Variants in TRMT13 observed in about 807,000 individuals in gnomAD.
TRMT13 encodes tRNA:m(4)X modification enzyme TRM13 homolog.
TRMT13 carries 45 observed loss-of-function variants against 55.9 expected under a neutral mutation model. That is an observed-to-expected ratio of 0.80 (90% CI 0.63 to 1.03). The LOEUF (loss-of-function observed/expected upper bound fraction) is 1.03. Among genes scored for constraint, TRMT13 ranks in the 50% least tolerant of loss-of-function variants. TRMT13 has a pLI of 0.00. For synonymous variants in TRMT13, 183 were observed against 196.3 expected (o/e 0.93, Z 0.57); for missense variants, 513 against 563.9 (o/e 0.91, Z 0.91).
In TRMT13 at chr1:100,143,052, T is replaced by C. The variant is rs1185209706; in HGVS notation, c.670-85T>C. ...AAATATGTTCTGTTGCTCTGAATTT[T>C]GAAAACCAATAAAAATCTTTTTATT... is the stretch of plus-strand genomic sequence containing the variant. On this transcript the variant is annotated intron_variant, in intron 7 of 10. Coordinates refer to ENST00000370141, the MANE Select transcript of TRMT13 (RefSeq NM_019083.3). The C allele has an allele frequency of 3.4e-6, 3 of 891,534 alleles. No individual in the cohort carries two copies. The African/African-American group carries it at 5.1e-5, about 15-fold the overall frequency. The allele number at this position is 891,534 out of a possible 1,614,324, so 55.2% of individuals were successfully genotyped here.
In TRMT13 at chr1:100,133,222, A is replaced by T. The variant is rs1330115567; in HGVS notation, c.54A>T (p.Arg18Ser). 6.2e-7 allele frequency: 1 copy of T among 1,614,014 alleles called. No individual in the cohort carries two copies. Residue 18 changes from arginine (R) to serine (S), a missense_variant, in exon 1 of 11, where the codon AGA becomes AGT. Coordinates refer to ENST00000370141, the MANE Select transcript of TRMT13 (RefSeq NM_019083.3). The stretch of plus-strand genomic sequence containing the variant: ...CGCCTGGTTTTCCAGCTGAGGGTAG[A>T]TGCGGTTACTATGTGGAAAAGAAGA... Reference protein sequence around the residue: ...PHAPGFPAEGRCGYYVEKKKR... With the variant: ...PHAPGFPAEGSCGYYVEKKKR...
At chr1:100,140,819 C>G (rs780391962) in intron 6 of TRMT13, 33 bp from the exon 7 acceptor site, 14 of 1,589,372 alleles carry the variant, frequency 8.8e-6, no homozygotes, top group Middle Eastern at 3.4e-4. Context: ...TGTGTTTACT[C>G]TAGTTTATAA....
At chr1:100,143,737 C>A (rs1656902392) in intron 8 of TRMT13, among the ~76,000 whole-genome samples, 1 of 152,080 alleles carries the variant, frequency 6.6e-6, no homozygotes, top group African/African-American at 2.4e-5. Context: ...CTTTTTATAC[C>A]TTTTCTATTT....
At chr1:100,136,346 T>C (rs1044636893) in intron 1 of TRMT13, among the ~76,000 whole-genome samples, 1 of 152,136 alleles carries the variant, frequency 6.6e-6, no homozygotes, top group African/African-American at 2.4e-5. Context: ...ATGATTAGTA[T>C]GTGAGGCAAT....
chr1:100,143,773 C>G (rs1417444355), intron 8 of TRMT13, among the ~76,000 whole-genome samples: 1 of 152,118 alleles, frequency 6.6e-6, no homozygotes, highest in Non-Finnish European at 1.5e-5. Context: ...GAAAATAATG[C>G]AAACATATCT....
chr1:100,137,548 T>G (rs1003349806), intron 3 of TRMT13, among the ~76,000 whole-genome samples: 6 of 152,148 alleles, frequency 3.9e-5, no homozygotes, highest in Non-Finnish European at 8.8e-5. Context: ...TGCCTGACTT[T>G]TGTTCCATAA....
Position 100,140,841 on chromosome 1 carries a change from G to C in TRMT13, c.502-11G>C. On this transcript the variant is annotated splice_polypyrimidine_tract_variant and intron_variant, in intron 6 of 10. Coordinates refer to ENST00000370141, the MANE Select transcript of TRMT13 (RefSeq NM_019083.3). ...ACTCTAGTTTATAAAATAATCTTGT[G>C]AAGTTTGCAGGCTTCTATTTTAGGT... The C allele has an allele frequency of 1.2e-6, 2 of 1,606,406 alleles. No homozygotes were observed. The highest frequency in any genetic ancestry group is 1.7e-6 in the Non-Finnish European group (2 of 1,176,746).
intron 8 of TRMT13, 108 bp downstream of exon 8, chr1:100,143,317 C>A: frequency 5.2e-6 from 3 of 581,572 alleles, no homozygotes; most frequent in Non-Finnish European, 9.0e-6. Context: ...GGAAAACAGT[C>A]AAATCAATTC....
chr1:100,140,943 A>G lies in TRMT13; in HGVS notation c.593A>G (p.His198Arg), dbSNP rs752427125. 41 of 1,613,646 alleles carry G rather than the reference A, an allele frequency of 2.5e-5. No homozygotes were observed. The highest frequency in any genetic ancestry group is 3.2e-5 in the Non-Finnish European group (38 of 1,179,786). ...GGAGCGGGAAAGGGAAAATTATCTC[A>G]TTGGGTTGATATTGCCTTAAAAGAT... The part of the protein sequence containing the change: ...EFGAGKGKLS[H>R]WVDIALKDAE... Residue 198 changes from histidine to arginine, a missense_variant, in exon 7 of 11, where the codon CAT (histidine) becomes CGT (arginine). Physicochemically the swap from His to Arg is conservative, Grantham distance 29. Around this residue, in one of 3 missense-constraint regions of TRMT13, gnomAD observed 298 missense variants for 290.3 expected, o/e 1.03. Coordinates refer to ENST00000370141, the MANE Select transcript of TRMT13 (RefSeq NM_019083.3).
At chr1:100,141,074 T>A in intron 7 of TRMT13, 55 bp downstream of exon 7, 1 of 1,448,986 alleles carries the variant, frequency 6.9e-7, no homozygotes, top group Non-Finnish European at 9.3e-7. Context: ...ATTTTTTGTA[T>A]TCAGGAAAAA....
rs1258103427 is a variant in TRMT13 at position 100,145,727 on chromosome 1, T to G, written c.817+1584T>G. Among the ~76,000 whole-genome samples the G allele has an allele frequency of 3.3e-5, 5 of 152,260 alleles. No individual in the cohort carries two copies. In the South Asian group the frequency reaches 6.2e-4, roughly 19 times the overall value. On this transcript the variant is annotated intron_variant, in intron 9 of 10. Transcript: ENST00000370141. ...AGACCCCATCTCTACAGAAATTTGT[T>G]GGGCACGATAGCTTGTGCATGTAGT...
At chr1:100,141,914 A>G (rs530438627) in intron 7 of TRMT13, among the ~76,000 whole-genome samples, 16 of 152,222 alleles carry the variant, frequency 1.1e-4, no homozygotes, top group Non-Finnish European at 2.2e-4. Flanking sequence ...ATATGGAAAC[A>G]TTCCTGTATA....
intron 6 of TRMT13, 42 bp downstream of exon 6, chr1:100,140,556 C>A: frequency 2.2e-6 from 3 of 1,383,474 alleles, no homozygotes; most frequent in South Asian, 2.4e-5. Context: ...GGCCTTTGTT[C>A]ATTTGTTAAA....
At chr1:100,133,480 T>C (rs1037946148) in intron 1 of TRMT13, among the ~76,000 whole-genome samples, 165 bp downstream of exon 1, 2 of 152,172 alleles carry the variant, frequency 1.3e-5, no homozygotes, top group Admixed American at 6.5e-5. Context: ...GGAGCGATTA[T>C]GAGTTCTAGT....
Position 100,149,183 on chromosome 1 carries a change from T to G in TRMT13, c.*363T>G. The G allele has an allele frequency of 6.6e-7, 1 of 1,523,392 alleles. No individual in the cohort carries two copies. The highest frequency in any genetic ancestry group is 1.3e-5 in the South Asian group (1 of 77,306). The allele number at this position is 1,523,392 out of a possible 1,614,324, so 94.4% of individuals were successfully genotyped here. Reference sequence around the variant, plus strand: ...AAATTTATCTTCCTTTGATTTTATTTAATATTTTTTATTTCTTAAGTTCAA... The same window carrying G: ...AAATTTATCTTCCTTTGATTTTATTGAATATTTTTTATTTCTTAAGTTCAA... On this transcript the variant is annotated 3_prime_UTR_variant, in exon 11 of 11. Coordinates refer to ENST00000370141, the MANE Select transcript of TRMT13 (RefSeq NM_019083.3).
chr1:100,148,573 A>G (rs371266995), intron 10 of TRMT13, 52 bp from the exon 11 acceptor site: 6 of 1,509,256 alleles, frequency 4.0e-6, no homozygotes, highest in South Asian at 2.4e-5. Flanking sequence ...ATAATTTTTT[A>G]TAAACTTTTG....
chr1:100,140,783 C>G (rs2101729645), intron 6 of TRMT13, 69 bp from the exon 7 acceptor site: 2 of 1,422,616 alleles, frequency 1.4e-6, no homozygotes, highest in Admixed American at 2.0e-5. Context: ...CAGAAATTAC[C>G]TTGCTGTTTT....
At chr1:100,145,160 C>T (rs1170081720) in intron 9 of TRMT13, among the ~76,000 whole-genome samples, 1 of 152,162 alleles carries the variant, frequency 6.6e-6, no homozygotes, top group Non-Finnish European at 1.5e-5. Context: ...GTGCCATACA[C>T]CCTAGGTGTG....
At chr1:100,144,963 A>G (rs1305807295) in intron 9 of TRMT13, among the ~76,000 whole-genome samples, 2 of 152,228 alleles carry the variant, frequency 1.3e-5, no homozygotes, top group African/African-American at 2.4e-5. Flanking sequence ...TTTTAAGACT[A>G]TAGTCATGTA....
Sources: gnomAD v4.1 joint callset for allele counts (sites outside exome capture counted in the v4.1 genomes callset) on GRCh38, gnomAD v4.1.1 for gene constraint, gnomAD v4.1.1 regional missense constraint, MANE v1.5 for transcripts, NCBI Gene and HGNC (gene_info 2026-07-23, HGNC 2026-07-21) for gene names.